Variants in KAT6A observed in about 807,000 individuals in gnomAD.
The protein encoded by KAT6A is histone acetyltransferase KAT6A.
In KAT6A, 9 loss-of-function variants were observed where a neutral mutation model predicts 198.4. That is an observed-to-expected ratio of 0.05 (90% CI 0.03 to 0.08). The LOEUF is 0.08. Ranked by LOEUF, KAT6A falls within the 10% of genes least tolerant of loss-of-function variation. KAT6A has a pLI of 1.00. For synonymous variants in KAT6A, 890 were observed against 883.0 expected (o/e 1.01, Z -0.14); for missense variants, 2,077 against 2,509.9 (o/e 0.83, Z 3.69).
At chr8:41,946,476 C>G in intron 12 of KAT6A, 115 bp downstream of exon 12, 1 of 516,042 alleles carries the variant, frequency 1.9e-6, no homozygotes, top group Non-Finnish European at 3.3e-6. Flanking sequence ...ACCTACAAAT[C>G]TTTAAATATA....
intron 2 of KAT6A, among the ~76,000 whole-genome samples, chr8:42,041,559 G>T (rs1314377238): frequency 6.6e-6 from 1 of 152,138 alleles, no homozygotes; most frequent in Admixed American, 6.6e-5. Flanking sequence ...CCAACATGGT[G>T]AAACCCCATT....
intron 2 of KAT6A, among the ~76,000 whole-genome samples, chr8:41,993,735 T>C (rs1335988568): frequency 6.6e-6 from 1 of 152,246 alleles, no homozygotes; most frequent in Non-Finnish European, 1.5e-5. Context: ...ACACAGTCTA[T>C]CAGTTTTCTT....
intron 5 of KAT6A, 146 bp from the exon 6 acceptor site, chr8:41,978,923 A>G: frequency 1.5e-6 from 1 of 669,570 alleles, no homozygotes; most frequent in Non-Finnish European, 2.5e-6. Context: ...AATCCAAAAT[A>G]AACATTAAAA....
In KAT6A at chr8:41,981,158, AAATAC is replaced by A. The variant is rs547040506; in HGVS notation, c.826-236_826-232del. 8.3e-3 allele frequency among the ~76,000 whole-genome samples: 1,259 copies of A among 152,284 alleles called. 15 individuals carry two copies. The highest frequency in any genetic ancestry group is 0.029 in the African/African-American group (1,219 of 41,554). On this transcript the variant is annotated intron_variant, in intron 4 of 16. Coordinates refer to ENST00000265713, the MANE Select transcript of KAT6A (RefSeq NM_006766.5). ...CATGGTGAAACCCTGTCCCTACTAAAAATACAAAAATTAGACGGGCATGGTGGCAT... is the reference window on the plus strand; with the variant it reads ...CATGGTGAAACCCTGTCCCTACTAAAAAAAATTAGACGGGCATGGTGGCAT...
intron 2 of KAT6A, among the ~76,000 whole-genome samples, chr8:41,990,932 T>A (rs141983281): frequency 6.9e-6 from 1 of 144,362 alleles, no homozygotes; most frequent in Middle Eastern, 3.8e-3. Flanking sequence ...GAGGCAGAGG[T>A]TGCAGTGAGC....
chr8:41,982,241 T>G (rs1824393483), intron 3 of KAT6A, among the ~76,000 whole-genome samples: 1 of 152,058 alleles, frequency 6.6e-6, no homozygotes, highest in Non-Finnish European at 1.5e-5. Flanking sequence ...GCATTATGTG[T>G]GTACATATCC....
chr8:42,001,327 T>C (rs1825486094), intron 2 of KAT6A, among the ~76,000 whole-genome samples: 1 of 152,124 alleles, frequency 6.6e-6, no homozygotes, highest in African/African-American at 2.4e-5. Flanking sequence ...CACAGCACAT[T>C]AGTGTCTCTG....
chr8:41,977,058 C>T lies in KAT6A; in HGVS notation c.1313G>A (p.Arg438Gln), dbSNP rs1234908185. Reference sequence around the variant, plus strand: ...TTTCCTGTTGCCCCTCTTTCTGATTCGATATTGCTCAGAGTAGTCCACCAC... The same window carrying T: ...TTTCCTGTTGCCCCTCTTTCTGATTTGATATTGCTCAGAGTAGTCCACCAC... The part of the protein sequence containing the change: ...GEVVDYSEQY[R>Q]IRKRGNRKSS... The change falls in exon 7 of 17, where the codon CGA (arginine) becomes CAA (glutamine). Residue 438 changes from arginine to glutamine, a missense_variant. This residue lies in a region of KAT6A where 206 missense variants were observed against 214.9 expected (regional missense o/e 0.96). Transcript: ENST00000265713. 1.2e-6 allele frequency: 2 copies of T among 1,612,646 alleles called. No homozygotes were observed. Among genetic ancestry groups the T allele is most frequent in the Admixed American group, 3.3e-5 (2 of 59,828 alleles).
chr8:41,942,712 T>C lies in KAT6A; in HGVS notation c.2436+81A>G, dbSNP rs548539401. On this transcript the variant is annotated intron_variant, in intron 14 of 16. Transcript: ENST00000265713. ...GAATTTACTTTTCTGTGAAAGATGA[T>C]CATAATACATTATTATAAATACTCA... The C allele has an allele frequency of 2.2e-5, 31 of 1,435,490 alleles. No individual in the cohort carries two copies. The African/African-American group carries it at 3.8e-4, about 18-fold the overall frequency. 88.9% of individuals were successfully genotyped at this position (1,435,490 alleles called of 1,614,324 possible). A position where few individuals can be genotyped will look rare whatever the true frequency, so the allele number is the denominator to read the frequency against.
At chr8:42,004,111 G>T (rs182685440) in intron 2 of KAT6A, among the ~76,000 whole-genome samples, 2 of 152,216 alleles carry the variant, frequency 1.3e-5, no homozygotes, top group East Asian at 3.9e-4. Flanking sequence ...TGTGTATAAG[G>T]ATATTTAGTT....
chr8:42,030,400 C>T lies in KAT6A; in HGVS notation c.600+17978G>A, dbSNP rs577047381. Among the ~76,000 whole-genome samples the T allele has an allele frequency of 1.1e-4, 17 of 152,256 alleles. No homozygotes were observed. In the East Asian group the frequency reaches 3.1e-3, roughly 28 times the overall value. On this transcript the variant is annotated intron_variant, in intron 2 of 16. Coordinates refer to ENST00000265713, the MANE Select transcript of KAT6A (RefSeq NM_006766.5). ...TGCCTCAGAGGTTCCTCATCCTTTC[C>T]GTGTTTAATTTCAGTGTTCTCTCTT...
intron 11 of KAT6A, among the ~76,000 whole-genome samples, chr8:41,947,533 T>C (rs1587728228): frequency 1.3e-5 from 2 of 152,186 alleles, no homozygotes; most frequent in Admixed American, 6.5e-5. Flanking sequence ...CCCGTGAGTA[T>C]TGCCAGCAGT....
intron 2 of KAT6A, among the ~76,000 whole-genome samples, chr8:42,039,812 C>A (rs1827555163): frequency 6.6e-6 from 1 of 151,978 alleles, no homozygotes; most frequent in Non-Finnish European, 1.5e-5. Flanking sequence ...CGGCTCACTG[C>A]AAGCTCCACC....
intron 12 of KAT6A, among the ~76,000 whole-genome samples, chr8:41,945,165 A>T (rs1015757223): frequency 4.6e-5 from 7 of 152,170 alleles, no homozygotes; most frequent in Non-Finnish European, 2.9e-5. Flanking sequence ...ACTTCTTCAG[A>T]TATTTAAAGA....
chr8:42,012,659 G>C (rs1224080420), intron 2 of KAT6A, among the ~76,000 whole-genome samples: 1 of 152,214 alleles, frequency 6.6e-6, no homozygotes. Flanking sequence ...CCTCAGGATA[G>C]TGAGGGAATA....
intron 7 of KAT6A, among the ~76,000 whole-genome samples, chr8:41,975,042 TTA>T (rs2150885143): frequency 6.6e-6 from 1 of 152,284 alleles, no homozygotes; most frequent in Non-Finnish European, 1.5e-5. Context: ...CCTAAAAATA[TTA>T]TATAACTAAA....
In KAT6A at chr8:41,934,374, C is replaced by T. The variant is rs370570707; in HGVS notation, c.3846G>A (p.Glu1282=). Residue 1282 remains glutamate (E), a synonymous_variant, in exon 17 of 17, where the codon GAG becomes GAA. Transcript: ENST00000265713. ...EEEEKPRVSE[E]QRQSEEEQQE... ...GCTGCTCCTCCTCTGACTGCCTCTG[C>T]TCCTCTGAGACACGGGGCTTCTCTT... is the stretch of plus-strand genomic sequence containing the variant. The T allele has an allele frequency of 2.5e-6, 4 of 1,613,988 alleles. No homozygotes were observed. The East Asian group carries it at 8.9e-5, about 36-fold the overall frequency.
chr8:42,022,171 CA>C (rs1826572114), intron 2 of KAT6A, among the ~76,000 whole-genome samples: 1 of 151,982 alleles, frequency 6.6e-6, no homozygotes, highest in East Asian at 1.9e-4. Context: ...CAAAATTATA[CA>C]GGTTTTCAAA....
chr8:41,979,038 C>G (rs189493489), intron 5 of KAT6A, among the ~76,000 whole-genome samples: 1 of 152,154 alleles, frequency 6.6e-6, no homozygotes, highest in Non-Finnish European at 1.5e-5. Flanking sequence ...GAGGCTGAGG[C>G]GGGTGGATCA....
Sources: gnomAD v4.1 joint callset for allele counts (sites outside exome capture counted in the v4.1 genomes callset) on GRCh38, gnomAD v4.1.1 for gene constraint, gnomAD v4.1.1 regional missense constraint, MANE v1.5 for transcripts, NCBI Gene and HGNC (gene_info 2026-07-23, HGNC 2026-07-21) for gene names.